The following CBL variants were observed in gnomAD, a reference collection of about 807,000 sequenced individuals.
CBL encodes Cbl proto-oncogene.
Under a neutral mutation model 96.9 loss-of-function variants are expected in CBL, and 45 were observed. The ratio of observed to expected loss-of-function variants is 0.46; its 90% confidence interval spans 0.37 to 0.60. The LOEUF (loss-of-function observed/expected upper bound fraction) is 0.60, where lower values mean the gene tolerates loss of function less well. CBL is among the 20% of genes least tolerant of loss of function. The probability of loss-of-function intolerance (pLI) is 0.00; values close to 1 mark genes in which losing one functional copy is unlikely to be tolerated. For synonymous variants in CBL, 420 were observed against 426.8 expected (o/e 0.98, Z 0.20); for missense variants, 1,024 against 1,143.5 (o/e 0.90, Z 1.51).
rs778562658 is a variant in CBL at position 119,278,195 on chromosome 11, C to T, written c.1125C>T (p.Gly375=). The T allele has an allele frequency of 5.0e-6, 8 of 1,608,208 alleles. No homozygotes were observed. Among genetic ancestry groups the T allele is most frequent in the Non-Finnish European group, 6.8e-6 (8 of 1,174,806 alleles). Reference sequence around the variant, plus strand: ...AATATGAATTATACTGTGAGATGGGCTCCACATTCCAACTATGTAAAATAT... The same window carrying T: ...AATATGAATTATACTGTGAGATGGGTTCCACATTCCAACTATGTAAAATAT... ...QEQYELYCEM[G]STFQLCKICA... Residue 375 remains glycine (G), a synonymous_variant, in exon 8 of 16, where the codon GGC becomes GGT. Transcript: ENST00000264033.
At chr11:119,297,789 C>CT (rs1950074342) in intron 14 of CBL, among the ~76,000 whole-genome samples, 1 of 152,220 alleles carries the variant, frequency 6.6e-6, no homozygotes, top group Non-Finnish European at 1.5e-5. Flanking sequence ...GGCAAAATAT[C>CT]TTTGACATGG....
intron 1 of CBL, among the ~76,000 whole-genome samples, chr11:119,231,944 A>AC (rs1215496059): frequency 6.6e-6 from 1 of 150,736 alleles, no homozygotes; most frequent in East Asian, 1.9e-4. Flanking sequence ...AAAAAAAAAA[A>AC]AACAACAATT....
chr11:119,298,123 A>G (rs1030907668), intron 14 of CBL, among the ~76,000 whole-genome samples: 3 of 152,306 alleles, frequency 2.0e-5, no homozygotes, highest in East Asian at 3.9e-4. Context: ...GTGGCTATTA[A>G]CCTTGTCAAG....
chr11:119,300,142 CCG>C lies in CBL; in HGVS notation c.*362_*363del, dbSNP rs1491391114. ...AAGACTTCCTGGGTTAAGGATGTGG[CCG>C]TGTGTGTGTGTGTCTGCCTGTGGTT... On this transcript the variant is annotated 3_prime_UTR_variant, in exon 16 of 16. Transcript: ENST00000264033. The C allele has an allele frequency of 2.2e-5, 11 of 509,690 alleles. No individual in the cohort carries two copies. Among genetic ancestry groups the C allele is most frequent in the Non-Finnish European group, 3.8e-5 (11 of 287,614 alleles). 31.6% of individuals were successfully genotyped at this position (509,690 alleles called of 1,614,324 possible). A position where few individuals can be genotyped will look rare whatever the true frequency, so the allele number is the denominator to read the frequency against.
At chr11:119,236,168 A>T (rs1949544608) in intron 2 of CBL, among the ~76,000 whole-genome samples, 1 of 152,068 alleles carries the variant, frequency 6.6e-6, no homozygotes, top group Non-Finnish European at 1.5e-5. Flanking sequence ...GTAATTCCAG[A>T]ACATTTTCAC....
At chr11:119,248,316 C>G (rs2048483856) in intron 2 of CBL, among the ~76,000 whole-genome samples, 1 of 152,120 alleles carries the variant, frequency 6.6e-6, no homozygotes, top group African/African-American at 2.4e-5. Flanking sequence ...AGAAATAAAC[C>G]CTCATACATA....
intron 5 of CBL, 120 bp downstream of exon 5, chr11:119,275,073 T>A: frequency 1.0e-6 from 1 of 966,390 alleles, no homozygotes; most frequent in South Asian, 1.3e-5. Flanking sequence ...TGCAATAGGA[T>A]TGATACCTGT....
At chr11:119,278,020 T>C in intron 7 of CBL, 146 bp from the exon 8 acceptor site, 2 of 880,822 alleles carry the variant, frequency 2.3e-6, no homozygotes, top group Non-Finnish European at 1.8e-6. Context: ...CTAGATGCTT[T>C]CTGGTTTAAT....
At chr11:119,206,708 C>T in intron 1 of CBL, 96 bp downstream of exon 1, 8 of 985,546 alleles carry the variant, frequency 8.1e-6, no homozygotes, top group Non-Finnish European at 9.1e-6. Context: ...GGGGAGGGGA[C>T]GGGTCTGGTG....
In CBL at chr11:119,273,980, T is replaced by C; in HGVS notation, c.703T>C (p.Tyr235His). The C allele has an allele frequency of 1.9e-6, 3 of 1,614,150 alleles. No individual in the cohort carries two copies. The highest frequency in any genetic ancestry group is 2.5e-6 in the Non-Finnish European group (3 of 1,179,984). Reference sequence around the variant, plus strand: ...CACTATTGATCTGACCTGCAATGATTATATTTCGGTTTTTGAATTTGACAT... The same window carrying C: ...CACTATTGATCTGACCTGCAATGATCATATTTCGGTTTTTGAATTTGACAT... ...KSTIDLTCND[Y>H]ISVFEFDIFT... Residue 235 changes from tyrosine (Y) to histidine (H), a missense_variant, in exon 4 of 16, where the codon TAT becomes CAT. Physicochemically the swap from Tyr to His is moderately conservative, Grantham distance 83. Transcript: ENST00000264033.
chr11:119,280,719 T>A (rs1254196260), intron 9 of CBL, among the ~76,000 whole-genome samples: 1 of 152,196 alleles, frequency 6.6e-6, no homozygotes, highest in Admixed American at 6.5e-5. Context: ...AACTGTTTAC[T>A]ACCTCTGTGT....
intron 2 of CBL, among the ~76,000 whole-genome samples, chr11:119,268,665 A>G (rs931159851): frequency 6.6e-6 from 1 of 152,236 alleles, no homozygotes; most frequent in African/African-American, 2.4e-5. Flanking sequence ...ACACGGAGAA[A>G]GAACTGAAAA....
chr11:119,242,014 A>G (rs1254830594), intron 2 of CBL, among the ~76,000 whole-genome samples: 2 of 152,228 alleles, frequency 1.3e-5, no homozygotes, highest in African/African-American at 4.8e-5. Flanking sequence ...TTTTACAGTG[A>G]CAGTATTGGC....
rs572777158 is a variant in CBL at position 119,284,669 on chromosome 11, A to T, written c.1432-300A>T. ...GGGGTAGAAAACTGTTGTAATTTTTAAAGTTGTAAACTAGGAAACTTTTTG... is the reference window on the plus strand; with the variant it reads ...GGGGTAGAAAACTGTTGTAATTTTTTAAGTTGTAAACTAGGAAACTTTTTG... On this transcript the variant is annotated intron_variant, in intron 9 of 15. Transcript: ENST00000264033. Among the ~76,000 whole-genome samples, 4 of 152,296 alleles carry T rather than the reference A, an allele frequency of 2.6e-5. No homozygotes were observed. The East Asian group carries it at 7.7e-4, about 29-fold the overall frequency.
intron 2 of CBL, among the ~76,000 whole-genome samples, chr11:119,253,988 CAAAAA>C (rs55881003): frequency 1.5e-5 from 1 of 67,064 alleles, no homozygotes; most frequent in Non-Finnish European, 2.7e-5. Context: ...GACCTTGACT[CAAAAA>C]AAAAAAAAAA....
At chr11:119,219,975 G>C (rs1347930731) in intron 1 of CBL, among the ~76,000 whole-genome samples, 1 of 151,222 alleles carries the variant, frequency 6.6e-6, no homozygotes, top group African/African-American at 2.4e-5. Flanking sequence ...TCAGCCACCC[G>C]AGTAGCTGGG....
At chr11:119,267,403 A>G (rs1949810978) in intron 2 of CBL, among the ~76,000 whole-genome samples, 1 of 152,142 alleles carries the variant, frequency 6.6e-6, no homozygotes, top group African/African-American at 2.4e-5. Flanking sequence ...TGGTATGCAT[A>G]TTTTATCTTT....
In CBL at chr11:119,253,037, CAA is replaced by C. The variant is rs1262613909; in HGVS notation, c.444-18696_444-18695del. 4.6e-5 allele frequency among the ~76,000 whole-genome samples: 7 copies of C among 152,150 alleles called. No homozygotes were observed. The East Asian group carries it at 1.4e-3, about 29-fold the overall frequency. Reference sequence around the variant, plus strand: ...TGGCACACTTACGTGTCAGTAGATACAAAGTGTTTAGCAGTGAGATGAAGGCA... The same window carrying C: ...TGGCACACTTACGTGTCAGTAGATACAGTGTTTAGCAGTGAGATGAAGGCA... On this transcript the variant is annotated intron_variant, in intron 2 of 15. Coordinates refer to ENST00000264033, the MANE Select transcript of CBL (RefSeq NM_005188.4).
Position 119,303,666 on chromosome 11 carries a change from G to T in CBL, c.*3885G>T, listed in dbSNP as rs905790458. On this transcript the variant is annotated 3_prime_UTR_variant, in exon 16 of 16. Transcript: ENST00000264033. The stretch of plus-strand genomic sequence containing the variant: ...TTGATAATGCCTGGGAGATTCCTTG[G>T]TGTAAGTGTCATGGATACCGACTGT... 1 of 233,536 alleles carries T rather than the reference G, an allele frequency of 4.3e-6. No individual in the cohort carries two copies. The highest frequency in any genetic ancestry group is 2.2e-5 in the African/African-American group (1 of 45,304). 14.5% of individuals were successfully genotyped at this position (233,536 alleles called of 1,614,324 possible).
Sources: gnomAD v4.1 joint callset for allele counts (sites outside exome capture counted in the v4.1 genomes callset) on GRCh38, gnomAD v4.1.1 for gene constraint, MANE v1.5 for transcripts, NCBI Gene and HGNC (gene_info 2026-07-23, HGNC 2026-07-21) for gene names.